CDS1: variants seen among roughly 807,000 people sequenced by gnomAD.
CDS1 encodes the protein CDP-diacylglycerol synthase 1.
Under a neutral mutation model 62.1 loss-of-function variants are expected in CDS1, and 41 were observed. The ratio of observed to expected loss-of-function variants is 0.66; its 90% confidence interval spans 0.51 to 0.86. The LOEUF is 0.86. Among genes scored for constraint, CDS1 ranks in the 40% least tolerant of loss-of-function variants. The probability of loss-of-function intolerance (pLI) is 0.00; values close to 1 mark genes in which losing one functional copy is unlikely to be tolerated. For synonymous variants in CDS1, 185 were observed against 192.6 expected (o/e 0.96, Z 0.32); for missense variants, 470 against 550.1 (o/e 0.85, Z 1.46).
At chr4:84,602,514 T>C (rs1560467677) in intron 1 of CDS1, among the ~76,000 whole-genome samples, 1 of 152,164 alleles carries the variant, frequency 6.6e-6, no homozygotes, top group Non-Finnish European at 1.5e-5. Context: ...TTTGTCTCAC[T>C]GCTAGTTAGA....
At chr4:84,586,679 T>A (rs1478180838) in intron 1 of CDS1, among the ~76,000 whole-genome samples, 1 of 152,010 alleles carries the variant, frequency 6.6e-6, no homozygotes, top group Non-Finnish European at 1.5e-5. Context: ...GGCCTGGGGG[T>A]TGGGGACCCC....
At position 84,604,257 on chromosome 4, in the gene CDS1, T is replaced by A; in HGVS notation, c.132T>A (p.Asp44Glu). The change falls in exon 2 of 13, where the codon GAT (aspartate) becomes GAA (glutamate). Residue 44 changes from aspartate (D) to glutamate (E), a missense_variant. Asp to Glu is a conservative substitution (Grantham distance 45). This residue lies in a region of CDS1 where 150 missense variants were observed against 142.0 expected (regional missense o/e 1.06). Transcript: ENST00000295887. ...TTTAATTTTAGGAAACAGATATTGA[T>A]GACAGATATGGAGATTTGGATTCCA... is the stretch of plus-strand genomic sequence containing the variant. ...ESTSDKETDIDDRYGDLDSRT... is the reference protein window; with the variant it reads ...ESTSDKETDIEDRYGDLDSRT... 5 of 1,609,530 alleles carry A rather than the reference T, an allele frequency of 3.1e-6. No homozygotes were observed. The highest frequency in any genetic ancestry group is 4.2e-6 in the Non-Finnish European group (5 of 1,178,638).
intron 5 of CDS1, among the ~76,000 whole-genome samples, chr4:84,624,886 A>G (rs913637846): frequency 6.6e-6 from 1 of 151,684 alleles, no homozygotes; most frequent in African/African-American, 2.4e-5. Flanking sequence ...TTTGAAACAC[A>G]GTCTCACTCC....
chr4:84,592,453 G>A (rs150518364), intron 1 of CDS1, among the ~76,000 whole-genome samples: 24 of 152,246 alleles, frequency 1.6e-4, no homozygotes, highest in African/African-American at 2.4e-4. Context: ...GATTATGGGC[G>A]TGAGCCACTG....
At chr4:84,633,779 G>T in intron 6 of CDS1, 78 bp from the exon 7 acceptor site, 1 of 813,534 alleles carries the variant, frequency 1.2e-6, no homozygotes, top group Middle Eastern at 2.5e-4. Context: ...AGAAATTTGG[G>T]TTTCAAATCG....
intron 3 of CDS1, among the ~76,000 whole-genome samples, chr4:84,609,894 C>T (rs11939848): frequency 0.035 from 5,288 of 151,990 alleles, 322 homozygotes; most frequent in African/African-American, 0.12. Context: ...TGGTTCACGC[C>T]TATAGTCCCA....
At chr4:84,608,505 T>C (rs1023768183) in intron 2 of CDS1, among the ~76,000 whole-genome samples, 1 of 152,108 alleles carries the variant, frequency 6.6e-6, no homozygotes, top group African/African-American at 2.4e-5. Context: ...GCTTTGTCCC[T>C]AATCAAAGAA....
At chr4:84,610,405 A>G (rs1327051400) in intron 3 of CDS1, among the ~76,000 whole-genome samples, 33 of 152,200 alleles carry the variant, frequency 2.2e-4, no homozygotes, top group Non-Finnish European at 2.9e-5. Flanking sequence ...GAGGCAAGGA[A>G]AAACCATTCT....
At chr4:84,619,280 T>G (rs1723598902) in intron 4 of CDS1, 114 bp from the exon 5 acceptor site, 3 of 490,862 alleles carry the variant, frequency 6.1e-6, no homozygotes, top group Non-Finnish European at 1.0e-5. Context: ...CTTGAATTGG[T>G]CTTCTGAACT....
rs1724365939 is a variant in CDS1 at position 84,640,982 on chromosome 4, T to G, written c.1024T>G (p.Leu342Val). ...ACTTCCACCCTTTCTAAAGGCAGTCTTGAGACAGGTACAGTAAAAGTTCAA... is the reference window on the plus strand; with the variant it reads ...ACTTCCACCCTTTCTAAAGGCAGTCGTGAGACAGGTACAGTAAAAGTTCAA... ...YSLPPFLKAV[L>V]RQERVSLYPF... The change falls in exon 10 of 13, where the codon TTG (leucine) becomes GTG (valine). Residue 342 changes from leucine (L) to valine (V), a missense_variant. Transcript: ENST00000295887. 5.0e-6 allele frequency: 8 copies of G among 1,586,580 alleles called. No homozygotes were observed. The highest frequency in any genetic ancestry group is 6.9e-6 in the Non-Finnish European group (8 of 1,167,804).
intron 5 of CDS1, among the ~76,000 whole-genome samples, chr4:84,620,687 T>A (rs1257277280): frequency 6.6e-6 from 1 of 152,126 alleles, no homozygotes; most frequent in South Asian, 2.1e-4. Context: ...CCCTAAGCAA[T>A]TGATTTTTTT....
At chr4:84,586,959 C>A (rs1327771947) in intron 1 of CDS1, among the ~76,000 whole-genome samples, 2 of 151,882 alleles carry the variant, frequency 1.3e-5, no homozygotes, top group African/African-American at 4.8e-5. Context: ...AATGGGTAGG[C>A]CCTAGGAAAA....
At chr4:84,604,157 A>T in intron 1 of CDS1, 86 bp from the exon 2 acceptor site, 2 of 1,101,398 alleles carry the variant, frequency 1.8e-6, no homozygotes, top group Non-Finnish European at 2.7e-6. Flanking sequence ...CTGAGATTTG[A>T]CACACTGAGC....
At chr4:84,635,475 G>T in intron 8 of CDS1, 124 bp downstream of exon 8, 2 of 717,992 alleles carry the variant, frequency 2.8e-6, no homozygotes, top group Non-Finnish European at 2.5e-6. Context: ...TTCCTTAGCT[G>T]CATGGTGCAG....
intron 1 of CDS1, among the ~76,000 whole-genome samples, chr4:84,601,240 C>G (rs1203349566): frequency 6.6e-6 from 1 of 150,698 alleles, no homozygotes; most frequent in African/African-American, 2.4e-5. Context: ...TTGGTGCCGA[C>G]TGAATGTTTT....
At chr4:84,645,085 G>A in intron 11 of CDS1, 137 bp from the exon 12 acceptor site, 1 of 647,950 alleles carries the variant, frequency 1.5e-6, no homozygotes, top group East Asian at 2.7e-5. Flanking sequence ...GTTCTAATAA[G>A]TTTTTATTTA....
intron 3 of CDS1, among the ~76,000 whole-genome samples, chr4:84,610,631 A>G (rs1029630794): frequency 6.6e-6 from 1 of 152,200 alleles, no homozygotes; most frequent in Non-Finnish European, 1.5e-5. Context: ...AGAGCTGATT[A>G]TGTATTTACA....
At chr4:84,596,080 A>C (rs1052809247) in intron 1 of CDS1, among the ~76,000 whole-genome samples, 8 of 152,178 alleles carry the variant, frequency 5.3e-5, no homozygotes, top group African/African-American at 1.9e-4. Flanking sequence ...TTGGGGATAG[A>C]GAGATGACAG....
In CDS1 at chr4:84,638,998, T is replaced by C; in HGVS notation, c.879+6T>C. 1 of 1,462,994 alleles carries C rather than the reference T, an allele frequency of 6.8e-7. No homozygotes were observed. Among genetic ancestry groups the C allele is most frequent in the Non-Finnish European group, 9.4e-7 (1 of 1,066,990 alleles). 90.6% of individuals were successfully genotyped at this position (1,462,994 alleles called of 1,614,324 possible). On this transcript the variant is annotated splice_donor_region_variant and intron_variant, in intron 9 of 12. Transcript: ENST00000295887. ...CAGTTGTGTTTGGATTCATTGTGAG[T>C]ATTACTAAGATTTTTATTTTGTATA...
Sources: allele counts gnomAD v4.1 joint callset (sites outside exome capture counted in the v4.1 genomes callset), GRCh38; gene constraint gnomAD v4.1.1; regional missense constraint gnomAD v4.1.1; transcripts MANE v1.5; gene names NCBI Gene and HGNC (gene_info 2026-07-23, HGNC 2026-07-21).